Variants in EIF4G3 observed in about 807,000 individuals in gnomAD.
EIF4G3 encodes eIF-4-gamma 3.
In EIF4G3, 34 loss-of-function variants were observed where a neutral mutation model predicts 186.4. The observed-to-expected ratio is 0.18, with a 90% CI of 0.14 to 0.24. EIF4G3 has a LOEUF of 0.24. EIF4G3 is among the 10% of genes least tolerant of loss of function. EIF4G3 has a pLI of 1.00. For synonymous variants in EIF4G3, 673 were observed against 679.5 expected (o/e 0.99, Z 0.15); for missense variants, 1,536 against 1,948.5 (o/e 0.79, Z 3.99).
chr1:21,044,987 AG>A (rs2093798712), intron 4 of EIF4G3, among the ~76,000 whole-genome samples: 1 of 152,150 alleles, frequency 6.6e-6, no homozygotes, highest in Non-Finnish European at 1.5e-5. Context: ...TTAAAAAATT[AG>A]TCAGCCATCA....
chr1:20,960,337 G>A (rs947584121), intron 12 of EIF4G3, among the ~76,000 whole-genome samples: 9 of 152,002 alleles, frequency 5.9e-5, no homozygotes, highest in South Asian at 2.1e-4. Flanking sequence ...ATGGTGGCAG[G>A]CACCTGTAAT....
At chr1:21,101,610 G>C (rs1331506511) in intron 2 of EIF4G3, among the ~76,000 whole-genome samples, 1 of 89,592 alleles carries the variant, frequency 1.1e-5, no homozygotes, top group African/African-American at 4.3e-5. Flanking sequence ...AGGGAGTAAG[G>C]AAGGAACAAA....
chr1:21,007,538 C>CACAAAAAAAAAAAAAAAAAA (rs2085587401), intron 4 of EIF4G3, among the ~76,000 whole-genome samples: 1 of 58,488 alleles, frequency 1.7e-5, no homozygotes, highest in African/African-American at 5.1e-5. Flanking sequence ...AAAAAAAAAA[C>CACAAAAAAAAAAAAAAAAAA]ACACTCAAAA....
chr1:21,019,142 C>T (rs2090038512), intron 4 of EIF4G3, among the ~76,000 whole-genome samples: 1 of 152,114 alleles, frequency 6.6e-6, no homozygotes, highest in East Asian at 1.9e-4. Flanking sequence ...CCTGCCTCAG[C>T]CTCACAAGTA....
At chr1:20,817,052 G>T (rs1443663167) in intron 34 of EIF4G3, among the ~76,000 whole-genome samples, 38 of 139,538 alleles carry the variant, frequency 2.7e-4, no homozygotes, top group African/African-American at 1.0e-3. Context: ...CAGCATGCTC[G>T]TTAAGAGTCA....
At chr1:21,068,202 G>C (rs1251933845) in intron 3 of EIF4G3, among the ~76,000 whole-genome samples, 2 of 151,264 alleles carry the variant, frequency 1.3e-5, no homozygotes, top group Admixed American at 6.6e-5. Context: ...GTGAAACCCT[G>C]TCTCTACTAA....
chr1:20,891,616 C>CA (rs11343165), intron 18 of EIF4G3, among the ~76,000 whole-genome samples: 2,787 of 81,612 alleles, frequency 0.034, 49 homozygotes, highest in Non-Finnish European at 0.037. Context: ...ACTAAAAATA[C>CA]AAAAAAAAAA....
chr1:21,033,857 G>A (rs576388256), intron 4 of EIF4G3, among the ~76,000 whole-genome samples: 16 of 152,294 alleles, frequency 1.1e-4, no homozygotes, highest in African/African-American at 3.4e-4. Context: ...GGAGGCCAAG[G>A]AGGGAGGATA....
At chr1:21,031,992 C>T (rs1357953102) in intron 4 of EIF4G3, among the ~76,000 whole-genome samples, 3 of 152,066 alleles carry the variant, frequency 2.0e-5, no homozygotes, top group Admixed American at 2.0e-4. Flanking sequence ...AAGAATGGAC[C>T]TCTAAAAGAA....
At chr1:21,122,028 G>T (rs1025513454) in intron 2 of EIF4G3, among the ~76,000 whole-genome samples, 1 of 152,050 alleles carries the variant, frequency 6.6e-6, no homozygotes, top group Non-Finnish European at 1.5e-5. Flanking sequence ...TCCCAGGTTC[G>T]CACACCTGGT....
At chr1:21,000,175 G>C (rs1293481865) in intron 6 of EIF4G3, among the ~76,000 whole-genome samples, 4 of 149,638 alleles carry the variant, frequency 2.7e-5, no homozygotes, top group Non-Finnish European at 5.9e-5. Flanking sequence ...AGTAAAACGA[G>C]AAAATGGAAC....
chr1:21,000,521 T>C (rs1281127305), intron 6 of EIF4G3, among the ~76,000 whole-genome samples: 41 of 151,272 alleles, frequency 2.7e-4, no homozygotes. Flanking sequence ...GAGACTAGAC[T>C]ATGACAACTT....
chr1:20,936,004 AC>A (rs1183520735), intron 14 of EIF4G3, among the ~76,000 whole-genome samples: 1 of 152,222 alleles, frequency 6.6e-6, no homozygotes, highest in Admixed American at 6.5e-5. Context: ...ATACCCAATG[AC>A]TGAGACTTTA....
chr1:20,862,441 G>T, intron 22 of EIF4G3, 109 bp from the exon 23 acceptor site: 2 of 671,250 alleles, frequency 3.0e-6, no homozygotes, highest in Non-Finnish European at 2.4e-6. Flanking sequence ...TTAGAGATGG[G>T]GTTTCACTCC....
At chr1:21,107,314 T>A (rs2096634636) in intron 2 of EIF4G3, among the ~76,000 whole-genome samples, 1 of 152,122 alleles carries the variant, frequency 6.6e-6, no homozygotes, top group South Asian at 2.1e-4. Context: ...AAACTGGGAC[T>A]ACAGGCGTGT....
chr1:20,983,648 T>G (rs143793289), intron 7 of EIF4G3, among the ~76,000 whole-genome samples: 67 of 152,304 alleles, frequency 4.4e-4, no homozygotes, highest in African/African-American at 1.5e-3. Flanking sequence ...TTACTGGGCA[T>G]TGCTAAATAA....
chr1:20,888,243 G>C (rs2084853561), intron 18 of EIF4G3, among the ~76,000 whole-genome samples: 1 of 152,110 alleles, frequency 6.6e-6, no homozygotes, highest in Admixed American at 6.5e-5. Context: ...ACAGAGAGAC[G>C]TGAGAAAGTA....
At chr1:21,026,785 AC>A in intron 4 of EIF4G3, among the ~76,000 whole-genome samples, 1 of 152,176 alleles carries the variant, frequency 6.6e-6, no homozygotes, top group Non-Finnish European at 1.5e-5. Flanking sequence ...CCCTGTCTCT[AC>A]TAAAAATACA....
At chr1:20,954,301 G>C (rs1364523158) in intron 12 of EIF4G3, among the ~76,000 whole-genome samples, 1 of 152,006 alleles carries the variant, frequency 6.6e-6, no homozygotes, top group African/African-American at 2.4e-5. Context: ...ACTTTGGGAG[G>C]CCAAGGCGGG....
Sources: allele counts gnomAD v4.1 joint callset (sites outside exome capture counted in the v4.1 genomes callset), GRCh38; gene constraint gnomAD v4.1.1; transcripts MANE v1.5; gene names NCBI Gene and HGNC (gene_info 2026-07-23, HGNC 2026-07-21).